TEX14: variants seen among roughly 807,000 people sequenced by gnomAD.
The protein encoded by TEX14 is inactive serine/threonine-protein kinase TEX14.
A neutral mutation model predicts 178.6 loss-of-function variants in TEX14; 168 were observed. That is an observed-to-expected ratio of 0.94 (90% CI 0.83 to 1.07). TEX14 has a LOEUF of 1.07. Among genes scored for constraint, TEX14 ranks in the 50% least tolerant of loss-of-function variants. TEX14 has a pLI of 0.00. For synonymous variants in TEX14, 626 were observed against 634.1 expected, an observed-to-expected ratio of 0.99 and a Z score of 0.19; for missense variants, 1,730 against 1,753.6, an observed-to-expected ratio of 0.99 and a Z score of 0.24.
chr17:58,658,949 C>A (rs572213589), intron 1 of TEX14, among the ~76,000 whole-genome samples: 5 of 151,880 alleles, frequency 3.3e-5, no homozygotes, highest in Non-Finnish European at 5.9e-5. Context: ...GTGCGTACCA[C>A]ATCAGTCTGG....
chr17:58,649,068 C>T (rs1247748693), intron 2 of TEX14, among the ~76,000 whole-genome samples: 26 of 147,522 alleles, frequency 1.8e-4, no homozygotes, highest in Admixed American at 1.5e-3. Flanking sequence ...TGAGCCACCA[C>T]GCCCGGCCTC....
intron 23 of TEX14, among the ~76,000 whole-genome samples, chr17:58,572,755 A>AT (rs1006645519): frequency 7.2e-5 from 11 of 152,176 alleles, no homozygotes; most frequent in Non-Finnish European, 1.2e-4. Flanking sequence ...ATAAACGGTG[A>AT]TTTTTTAAAC....
intron 14 of TEX14, among the ~76,000 whole-genome samples, chr17:58,597,115 T>G (rs146547962): frequency 1.3e-5 from 2 of 151,896 alleles, no homozygotes; most frequent in Admixed American, 1.3e-4. Flanking sequence ...AAGGGTGATA[T>G]GGCCAGGCAC....
intron 27 of TEX14, 138 bp from the exon 28 acceptor site, chr17:58,565,106 G>C: frequency 2.1e-6 from 1 of 466,218 alleles, no homozygotes; most frequent in East Asian, 3.5e-5. Context: ...CTTCCCAGGA[G>C]AGCAGGGGGC....
At chr17:58,572,361 TG>T (rs1467189652) in intron 23 of TEX14, among the ~76,000 whole-genome samples, 2 of 152,188 alleles carry the variant, frequency 1.3e-5, no homozygotes, top group African/African-American at 4.8e-5. Context: ...CCGGGTACGG[TG>T]GCTCACGCCT....
In TEX14 at chr17:58,599,637, A is replaced by C; in HGVS notation, c.1708T>G (p.Ser570Ala). The C allele has an allele frequency of 6.2e-7, 1 of 1,613,178 alleles. No individual in the cohort carries two copies. Among genetic ancestry groups the C allele is most frequent in the Middle Eastern group, 1.7e-4 (1 of 6,060 alleles). ...TCTAGTGTCCCCTCAGTGAATAAAG[A>C]GTGAACCCTTGGTGAATGAGGTTGA... ...GSQPHSPRVHSLFTEGTLDPQ... is the reference protein window; with the variant it reads ...GSQPHSPRVHALFTEGTLDPQ... The change falls in exon 14 of 32, where the codon TCT becomes GCT. Residue 570 changes from serine to alanine, a missense_variant. Physicochemically the swap from Ser to Ala is moderately conservative, Grantham distance 99. Coordinates refer to ENST00000349033, the MANE Select transcript of TEX14 (RefSeq NM_031272.5).
At chr17:58,596,950 G>A (rs1379115805) in intron 14 of TEX14, among the ~76,000 whole-genome samples, 1 of 152,102 alleles carries the variant, frequency 6.6e-6, no homozygotes, top group African/African-American at 2.4e-5. Context: ...AATGTTCTAA[G>A]TGAGGACTGA....
intron 29 of TEX14, 143 bp from the exon 30 acceptor site, chr17:58,559,705 C>T: frequency 3.3e-6 from 2 of 605,524 alleles, no homozygotes; most frequent in Non-Finnish European, 5.8e-6. Context: ...GTTCTCTATG[C>T]ACCAGGCATT....
chr17:58,564,774 CT>C (rs1381237892), intron 28 of TEX14, 94 bp downstream of exon 28: 27 of 704,830 alleles, frequency 3.8e-5, no homozygotes, highest in Non-Finnish European at 5.1e-5. Flanking sequence ...AAAGACCCCA[CT>C]TTTTTTCTTT....
intron 2 of TEX14, among the ~76,000 whole-genome samples, chr17:58,638,854 C>CTTTT (rs1210311633): frequency 9.3e-5 from 7 of 75,090 alleles, no homozygotes; most frequent in South Asian, 4.8e-4. Flanking sequence ...GACTATTATT[C>CTTTT]TTTTTTTTTT....
At chr17:58,620,673 T>C (rs2045977754) in intron 5 of TEX14, among the ~76,000 whole-genome samples, 1 of 152,096 alleles carries the variant, frequency 6.6e-6, no homozygotes, top group African/African-American at 2.4e-5. Flanking sequence ...TTTGTATTTT[T>C]AGTAGAGACG....
intron 22 of TEX14, among the ~76,000 whole-genome samples, chr17:58,573,592 C>G (rs186521133): frequency 6.6e-6 from 1 of 152,142 alleles, no homozygotes; most frequent in Non-Finnish European, 1.5e-5. Context: ...GATCTCGGCT[C>G]ACTGCAACCT....
chr17:58,567,149 A>C (rs111342437), intron 26 of TEX14, among the ~76,000 whole-genome samples: 1 of 152,232 alleles, frequency 6.6e-6, no homozygotes, highest in African/African-American at 2.4e-5. Context: ...CCTGGGCAAC[A>C]AGAGTGAAAC....
chr17:58,576,373 A>G (rs2044675969), intron 21 of TEX14, among the ~76,000 whole-genome samples: 1 of 152,186 alleles, frequency 6.6e-6, no homozygotes, highest in Non-Finnish European at 1.5e-5. Flanking sequence ...TAATTCCGCT[A>G]CTTGGGAGGC....
At chr17:58,609,255 G>T (rs958693062) in intron 10 of TEX14, among the ~76,000 whole-genome samples, 1 of 152,174 alleles carries the variant, frequency 6.6e-6, no homozygotes, top group South Asian at 2.1e-4. Flanking sequence ...GACTACAGGC[G>T]CCTGCCACCA....
At chr17:58,570,107 TATG>T (rs1205930017) in intron 25 of TEX14, among the ~76,000 whole-genome samples, 1 of 151,892 alleles carries the variant, frequency 6.6e-6, no homozygotes, top group African/African-American at 2.4e-5. Flanking sequence ...TGATACACAA[TATG>T]ATCTCACTAT....
intron 8 of TEX14, 35 bp downstream of exon 8, chr17:58,615,197 C>T (rs1312950275): frequency 1.6e-6 from 2 of 1,287,804 alleles, no homozygotes; most frequent in Non-Finnish European, 1.1e-6. Context: ...GTAGAGAGAC[C>T]TGGACCTATA....
At chr17:58,667,958 C>G (rs1018958113) in intron 1 of TEX14, among the ~76,000 whole-genome samples, 16 of 151,842 alleles carry the variant, frequency 1.1e-4, no homozygotes, top group African/African-American at 3.9e-4. Context: ...GCTTCTGAAC[C>G]TTCTCATAGG....
At chr17:58,631,689 A>T (rs778559776) in intron 2 of TEX14, 1 of 151,570 alleles carries the variant, frequency 6.6e-6, no homozygotes, top group African/African-American at 2.4e-5. Context: ...AACAGCAAAC[A>T]GCAGTTAGAA....
Sources: allele counts gnomAD v4.1 joint callset (sites outside exome capture counted in the v4.1 genomes callset), GRCh38; gene constraint gnomAD v4.1.1; transcripts MANE v1.5; gene names NCBI Gene and HGNC (gene_info 2026-07-23, HGNC 2026-07-21).